MAPK10: variants seen among roughly 807,000 people sequenced by gnomAD.
MAPK10 encodes the protein mitogen-activated protein kinase 10.
In MAPK10, 25 loss-of-function variants were observed where a neutral mutation model predicts 59.3. The ratio of observed to expected loss-of-function variants is 0.42; its 90% CI spans 0.31 to 0.59. The LOEUF is 0.59. Ranked by LOEUF, MAPK10 falls within the 20% of genes least tolerant of loss-of-function variation. MAPK10 has a pLI of 0.15. For synonymous variants in MAPK10, 190 were observed against 200.5 expected (o/e 0.95, Z 0.44); for missense variants, 351 against 568.9 (o/e 0.62, Z 3.90).
intron 2 of MAPK10, among the ~76,000 whole-genome samples, chr4:86,309,056 C>T (rs766619175): frequency 2.0e-4 from 31 of 152,044 alleles, no homozygotes; most frequent in Non-Finnish European, 3.4e-4. Flanking sequence ...ATTTTATATC[C>T]TACAATCTTT....
In MAPK10 at chr4:86,017,156, T is replaced by A. The variant is rs760292363; in HGVS notation, c.*72A>T. The A allele has an allele frequency of 3.7e-5, 54 of 1,471,634 alleles. No homozygotes were observed. The highest frequency in any genetic ancestry group is 5.0e-5 in the Non-Finnish European group (53 of 1,067,094). The allele number at this position is 1,471,634 out of a possible 1,614,324, so 91.2% of individuals were successfully genotyped here. A position where few individuals can be genotyped will look rare whatever the true frequency, so the allele number is the denominator to read the frequency against. On this transcript the variant is annotated 3_prime_UTR_variant, in exon 14 of 14. Transcript: ENST00000641462. This position sits in a 1 kb window ranked among gnomAD's most constrained non-coding sequence, Gnocchi z 4.4. ...GTGTGTCTGCATTTGTGTGTGTGTGTGTGTCTGCGTGTGTGTGTGTTCCAT... is the reference window on the plus strand; with the variant it reads ...GTGTGTCTGCATTTGTGTGTGTGTGAGTGTCTGCGTGTGTGTGTGTTCCAT...
chr4:86,367,368 G>A (rs1738063937), intron 1 of MAPK10, among the ~76,000 whole-genome samples: 1 of 152,094 alleles, frequency 6.6e-6, no homozygotes, highest in South Asian at 2.1e-4. Flanking sequence ...GATACTATTA[G>A]AATATAAGAT....
chr4:86,047,664 T>C (rs2042762603), intron 11 of MAPK10, among the ~76,000 whole-genome samples: 1 of 152,162 alleles, frequency 6.6e-6, no homozygotes, highest in Non-Finnish European at 1.5e-5. Context: ...GCACGTGCAC[T>C]TGTACACGCA....
In MAPK10 at chr4:86,012,117, T is replaced by C. The variant is rs901479644; in HGVS notation, c.*5111A>G. The C allele has an allele frequency of 1.2e-4, 19 of 152,014 alleles. No homozygotes were observed. Among genetic ancestry groups the C allele is most frequent in the Admixed American group, 7.9e-4 (12 of 15,250 alleles). The allele number at this position is 152,014 out of a possible 1,614,324, so 9.4% of individuals were successfully genotyped here. ...CCTAATGCCCCCCCAAAAGATGATCTTTTTTTTCTTCATTGATTTTATACC... is the reference window on the plus strand; with the variant it reads ...CCTAATGCCCCCCCAAAAGATGATCCTTTTTTTCTTCATTGATTTTATACC... On this transcript the variant is annotated 3_prime_UTR_variant, in exon 14 of 14. Coordinates refer to ENST00000641462, the MANE Select transcript of MAPK10 (RefSeq NM_138982.4).
intron 1 of MAPK10, among the ~76,000 whole-genome samples, chr4:86,583,768 CT>C (rs1203949995): frequency 6.6e-6 from 1 of 152,106 alleles, no homozygotes; most frequent in Non-Finnish European, 1.5e-5. Context: ...ATGCACTGCC[CT>C]AAAAGAGTTC....
chr4:86,157,960 TAGTC>T (rs1289004573), intron 4 of MAPK10, among the ~76,000 whole-genome samples: 1 of 151,916 alleles, frequency 6.6e-6, no homozygotes, highest in Non-Finnish European at 1.5e-5. Flanking sequence ...CTGAGAATCT[TAGTC>T]AGGAAAACTT....
chr4:86,307,866 G>T (rs1025087688), intron 2 of MAPK10, among the ~76,000 whole-genome samples: 1 of 152,118 alleles, frequency 6.6e-6, no homozygotes, highest in Non-Finnish European at 1.5e-5. Context: ...GCATCAGATG[G>T]ATTTAGAGAA....
chr4:86,383,471 T>A lies in MAPK10; in HGVS notation c.-121-28827A>T, dbSNP rs1741036996. On this transcript the variant is annotated intron_variant, in intron 1 of 13. Coordinates refer to the MAPK10 transcript ENST00000361569. ...ACAGGTAGCTAAACAATTTATGAAC[T>A]AAACTTCCTTCCTGGTTTTTATTTT... is the stretch of plus-strand genomic sequence containing the variant. Among the ~76,000 whole-genome samples the A allele has an allele frequency of 2.0e-5, 3 of 152,212 alleles. No homozygotes were observed. The South Asian group carries it at 6.2e-4, about 32-fold the overall frequency.
intron 1 of MAPK10, among the ~76,000 whole-genome samples, chr4:86,368,908 T>C (rs1738328138): frequency 6.6e-6 from 1 of 152,112 alleles, no homozygotes; most frequent in Non-Finnish European, 1.5e-5. Context: ...AATTAGTGTA[T>C]GTGTCTTTTG....
intron 2 of MAPK10, among the ~76,000 whole-genome samples, chr4:86,300,161 G>C (rs547551355): frequency 7.2e-5 from 11 of 152,070 alleles, no homozygotes; most frequent in Non-Finnish European, 1.5e-4. Context: ...CAAAAGTGTT[G>C]GAATTACAGG....
intron 2 of MAPK10, among the ~76,000 whole-genome samples, chr4:86,204,042 T>G (rs921866788): frequency 6.6e-6 from 1 of 151,822 alleles, no homozygotes; most frequent in African/African-American, 2.4e-5. Context: ...CATCCATTAG[T>G]TTATAAATTG....
chr4:86,345,826 C>T (rs1348418140), intron 2 of MAPK10, among the ~76,000 whole-genome samples: 3 of 152,174 alleles, frequency 2.0e-5, no homozygotes, highest in Admixed American at 2.0e-4. Context: ...TATTTTAATG[C>T]ACCATATTTA....
intron 4 of MAPK10, among the ~76,000 whole-genome samples, chr4:86,123,382 A>T (rs1384652855): frequency 5.3e-5 from 8 of 152,068 alleles, no homozygotes; most frequent in African/African-American, 1.4e-4. Flanking sequence ...TCTCTTTGAC[A>T]TACTGATTTC....
chr4:86,470,980 G>A (rs539074463), intron 1 of MAPK10, among the ~76,000 whole-genome samples: 11 of 152,124 alleles, frequency 7.2e-5, no homozygotes, highest in East Asian at 1.9e-4. Context: ...TATTGCTAAC[G>A]AAGAATTAGG....
At chr4:86,302,010 AAT>A (rs1272419356) in intron 2 of MAPK10, among the ~76,000 whole-genome samples, 1 of 151,304 alleles carries the variant, frequency 6.6e-6, no homozygotes. Context: ...CAGAACAATC[AAT>A]ATATGAACAT....
intron 1 of MAPK10, among the ~76,000 whole-genome samples, chr4:86,428,601 C>CA (rs1747617906): frequency 6.6e-6 from 1 of 152,198 alleles, no homozygotes; most frequent in African/African-American, 2.4e-5. Flanking sequence ...GATAGATAGA[C>CA]AACTTTTCTC....
At chr4:86,360,594 C>G (rs1736748779), upstream of MAPK10, among the ~76,000 whole-genome samples, 1 of 152,224 alleles carries the variant, frequency 6.6e-6, no homozygotes, top group Admixed American at 6.5e-5. Context: ...CCAAATTCAA[C>G]AGACTAATAC....
In MAPK10 at chr4:86,110,359, G is replaced by T. The variant is rs547684134; in HGVS notation, c.237-3007C>A. On this transcript the variant is annotated intron_variant, in intron 4 of 13. Coordinates refer to ENST00000641462, the MANE Select transcript of MAPK10 (RefSeq NM_138982.4). ...TCTTCTAGGATTTTTATAGTTTTGG[G>T]TTTTACATTTACTTCTTTAATCCAT... Among the ~76,000 whole-genome samples, 9 of 152,164 alleles carry T rather than the reference G, an allele frequency of 5.9e-5. No homozygotes were observed. The South Asian group carries it at 8.3e-4, about 14-fold the overall frequency.
At chr4:86,419,401 G>A (rs1029920563) in intron 1 of MAPK10, among the ~76,000 whole-genome samples, 1 of 152,082 alleles carries the variant, frequency 6.6e-6, no homozygotes, top group Non-Finnish European at 1.5e-5. Context: ...ATGGCATGAT[G>A]TGTATATACA....
Sources: gnomAD v4.1 joint callset for allele counts (sites outside exome capture counted in the v4.1 genomes callset) on GRCh38, gnomAD v4.1.1 for gene constraint, Gnocchi (gnomAD v3.1) non-coding constraint, MANE v1.5 for transcripts, NCBI Gene and HGNC (gene_info 2026-07-23, HGNC 2026-07-21) for gene names.